ELAPOR1: variants seen among roughly 807,000 people sequenced by gnomAD.
ELAPOR1 encodes the protein endosome/lysosome-associated apoptosis and autophagy regulator 1.
In ELAPOR1, 77 loss-of-function variants were observed where a neutral mutation model predicts 119.7. The ratio of observed to expected loss-of-function variants is 0.64; its 90% CI spans 0.54 to 0.78. The LOEUF is 0.78. ELAPOR1 is among the 30% of genes least tolerant of loss of function. The pLI is 0.00. For synonymous variants in ELAPOR1, 481 were observed against 487.2 expected, an observed-to-expected ratio of 0.99 and a Z score of 0.17; for missense variants, 1,115 against 1,270.4, an observed-to-expected ratio of 0.88 and a Z score of 1.86.
chr1:109,180,181 G>T (rs1179591894), intron 7 of ELAPOR1, among the ~76,000 whole-genome samples: 1 of 152,186 alleles, frequency 6.6e-6, no homozygotes, highest in Admixed American at 6.5e-5. Flanking sequence ...TAATTTCTTT[G>T]TGTTATGTTT....
chr1:109,174,707 G>A (rs1455429362), intron 7 of ELAPOR1, among the ~76,000 whole-genome samples: 1 of 151,890 alleles, frequency 6.6e-6, no homozygotes, highest in African/African-American at 2.4e-5. Context: ...GGGAAGCTAA[G>A]GAAAGGGTTG....
At chr1:109,156,220 C>T (rs1650863338) in intron 1 of ELAPOR1, among the ~76,000 whole-genome samples, 1 of 151,770 alleles carries the variant, frequency 6.6e-6, no homozygotes, top group South Asian at 2.1e-4. Context: ...ACTATCAGAT[C>T]ATCAGACTTT....
At chr1:109,168,096 G>A (rs991236397) in intron 3 of ELAPOR1, among the ~76,000 whole-genome samples, 1 of 152,008 alleles carries the variant, frequency 6.6e-6, no homozygotes, top group African/African-American at 2.4e-5. Flanking sequence ...CTGTGTTCCA[G>A]CCACACTGAC....
At chr1:109,132,906 A>G (rs530384732) in intron 1 of ELAPOR1, among the ~76,000 whole-genome samples, 1 of 152,152 alleles carries the variant, frequency 6.6e-6, no homozygotes, top group East Asian at 1.9e-4. Context: ...AGTAAAATCT[A>G]AATATAAAAT....
intron 5 of ELAPOR1, 82 bp from the exon 6 acceptor site, chr1:109,173,392 G>T: frequency 8.8e-7 from 1 of 1,132,244 alleles, no homozygotes; most frequent in Non-Finnish European, 1.3e-6. Flanking sequence ...AGTAAGAGAA[G>T]TCATCCCAAC....
At chr1:109,174,340 G>A (rs1335163845) in intron 7 of ELAPOR1, among the ~76,000 whole-genome samples, 2 of 140,022 alleles carry the variant, frequency 1.4e-5, no homozygotes, top group Non-Finnish European at 3.0e-5. Context: ...TTGGGCCTAG[G>A]AGGTTGAAGC....
chr1:109,162,128 G>A lies in ELAPOR1; in HGVS notation c.274+114G>A, dbSNP rs530170681. 4.9e-6 allele frequency: 6 copies of A among 1,223,850 alleles called. No individual in the cohort carries two copies. In the South Asian group the frequency reaches 9.1e-5, roughly 19 times the overall value. 75.8% of individuals were successfully genotyped at this position (1,223,850 alleles called of 1,614,324 possible). A position where few individuals can be genotyped will look rare whatever the true frequency, so the allele number is the denominator to read the frequency against. On this transcript the variant is annotated intron_variant, in intron 2 of 21. Transcript: ENST00000369939. ...GCAGAGCAGCTGCATTAAGGAATCAGATCTTTTCCCCAATTAGTCCCCACA... is the reference window on the plus strand; with the variant it reads ...GCAGAGCAGCTGCATTAAGGAATCAAATCTTTTCCCCAATTAGTCCCCACA...
intron 1 of ELAPOR1, among the ~76,000 whole-genome samples, chr1:109,154,613 G>A (rs1258959709): frequency 6.6e-6 from 1 of 152,308 alleles, no homozygotes; most frequent in Non-Finnish European, 1.5e-5. Flanking sequence ...AGACAGTCTG[G>A]GCCATCCGTT....
chr1:109,189,680 T>A lies in ELAPOR1; in HGVS notation c.1437T>A (p.Phe479Leu). 1 of 1,613,624 alleles carries A rather than the reference T, an allele frequency of 6.2e-7. No homozygotes were observed. The highest frequency in any genetic ancestry group is 8.5e-7 in the Non-Finnish European group (1 of 1,179,582). Residue 479 changes from phenylalanine (F) to leucine (L), a missense_variant and splice_region_variant, in exon 11 of 22, where the codon TTT becomes TTA. Coordinates refer to ENST00000369939, the MANE Select transcript of ELAPOR1 (RefSeq NM_020775.5). ...TTCTCACTCTGGTTGTGCCAGGATT[T>A]AGGTGAGGAATCCAAAGCCCAGGGG... The part of the protein sequence containing the change: ...FMILTLVVPG[F>L]RPPQSVMADT...
chr1:109,194,955 A>C (rs615234), intron 15 of ELAPOR1, among the ~76,000 whole-genome samples: 100,162 of 151,326 alleles, frequency 0.66, 36,121 homozygotes, highest in East Asian at 0.97. Context: ...TAAAAATACA[A>C]AAAAATTAGC....
At chr1:109,156,008 A>G (rs921030181) in intron 1 of ELAPOR1, among the ~76,000 whole-genome samples, 5 of 152,154 alleles carry the variant, frequency 3.3e-5, no homozygotes, top group African/African-American at 1.2e-4. Context: ...AGCCAGATAC[A>G]GTGGTGCACA....
intron 1 of ELAPOR1, among the ~76,000 whole-genome samples, chr1:109,144,061 A>ATATATATTTTTTTTTTT: frequency 1.5e-4 from 13 of 88,990 alleles, no homozygotes; most frequent in East Asian, 3.0e-4. Flanking sequence ...ATATTTATAT[A>ATATATATTTTTTTTTTT]TTTTTTTTTT....
At chr1:109,184,169 C>T (rs1025471192) in intron 7 of ELAPOR1, among the ~76,000 whole-genome samples, 4 of 152,066 alleles carry the variant, frequency 2.6e-5, no homozygotes, top group Admixed American at 2.6e-4. Context: ...GTCAGGAGTT[C>T]GAGACCAGCC....
At chr1:109,180,863 G>C (rs1360098144) in intron 7 of ELAPOR1, among the ~76,000 whole-genome samples, 1 of 152,082 alleles carries the variant, frequency 6.6e-6, no homozygotes, top group East Asian at 1.9e-4. Context: ...TACTCAGAAG[G>C]CTGAGGTGGG....
intron 1 of ELAPOR1, among the ~76,000 whole-genome samples, chr1:109,159,990 C>T (rs944849170): frequency 5.3e-5 from 8 of 151,974 alleles, no homozygotes; most frequent in Non-Finnish European, 1.0e-4. Context: ...GTATAGTTGC[C>T]CTATTTGTCC....
intron 1 of ELAPOR1, among the ~76,000 whole-genome samples, chr1:109,150,717 T>C (rs1209038083): frequency 1.3e-5 from 2 of 152,194 alleles, no homozygotes; most frequent in South Asian, 2.1e-4. Context: ...TATTTTAAAA[T>C]ATTGCTCCAT....
chr1:109,163,264 G>A (rs1253368215), intron 2 of ELAPOR1, among the ~76,000 whole-genome samples: 1 of 152,188 alleles, frequency 6.6e-6, no homozygotes, highest in African/African-American at 2.4e-5. Flanking sequence ...GTAGTGGGAG[G>A]TCAAGCTGGG....
At chr1:109,158,754 T>G (rs774034735) in intron 1 of ELAPOR1, among the ~76,000 whole-genome samples, 2 of 152,314 alleles carry the variant, frequency 1.3e-5, no homozygotes, top group South Asian at 2.1e-4. Context: ...TTATATACTT[T>G]CAGACAGATC....
At chr1:109,133,531 C>T (rs944039600) in intron 1 of ELAPOR1, among the ~76,000 whole-genome samples, 4 of 152,152 alleles carry the variant, frequency 2.6e-5, no homozygotes, top group Non-Finnish European at 5.9e-5. Context: ...CAATTAGTTA[C>T]TATGGTTACT....
Sources: allele counts gnomAD v4.1 joint callset (sites outside exome capture counted in the v4.1 genomes callset), GRCh38; gene constraint gnomAD v4.1.1; transcripts MANE v1.5; gene names NCBI Gene and HGNC (gene_info 2026-07-23, HGNC 2026-07-21).